Variants in GABRB1 observed in about 807,000 individuals in gnomAD.
The protein encoded by GABRB1 is gamma-aminobutyric acid type A receptor subunit beta1, also known as gamma-aminobutyric acid receptor subunit beta-1.
Under a neutral mutation model 51.6 loss-of-function variants are expected in GABRB1, and 17 were observed. That is an observed-to-expected ratio of 0.33 (90% CI 0.23 to 0.49). The LOEUF (loss-of-function observed/expected upper bound fraction) is 0.49. Among genes scored for constraint, GABRB1 ranks in the 20% least tolerant of loss-of-function variants. The pLI, the probability that GABRB1 is intolerant of heterozygous loss-of-function variation, is 0.99. For synonymous variants in GABRB1, 247 were observed against 218.9 expected (o/e 1.13, Z -1.14); for missense variants, 410 against 600.6 (o/e 0.68, Z 3.32).
chr4:47,327,678 C>T (rs1311732250), intron 5 of GABRB1, among the ~76,000 whole-genome samples: 2 of 152,198 alleles, frequency 1.3e-5, no homozygotes, highest in African/African-American at 2.4e-5. Context: ...GAACTATCCA[C>T]TTAATCCATC....
intron 3 of GABRB1, among the ~76,000 whole-genome samples, chr4:47,106,533 C>T (rs186218487): frequency 6.6e-6 from 1 of 152,080 alleles, no homozygotes; most frequent in African/African-American, 2.4e-5. Flanking sequence ...CAAATACTTT[C>T]CATTAAGACT....
At chr4:47,114,716 A>G (rs536056232) in intron 3 of GABRB1, among the ~76,000 whole-genome samples, 1 of 152,292 alleles carries the variant, frequency 6.6e-6, no homozygotes, top group East Asian at 1.9e-4. Context: ...GCTGACTCCA[A>G]CTTTCATTTT....
At chr4:47,375,235 T>C (rs1219689778) in intron 5 of GABRB1, among the ~76,000 whole-genome samples, 1 of 152,232 alleles carries the variant, frequency 6.6e-6, no homozygotes, top group East Asian at 1.9e-4. Context: ...ATTGTCATAT[T>C]TGTATTTTAA....
chr4:47,174,858 C>T (rs1030350540), intron 4 of GABRB1, among the ~76,000 whole-genome samples: 6 of 150,932 alleles, frequency 4.0e-5, no homozygotes, highest in Non-Finnish European at 5.9e-5. Flanking sequence ...CTCCCTCCCT[C>T]CTTCCCTCCC....
At chr4:47,402,492 T>C (rs1728429154) in intron 5 of GABRB1, among the ~76,000 whole-genome samples, 2 of 152,216 alleles carry the variant, frequency 1.3e-5, no homozygotes, top group Admixed American at 1.3e-4. Flanking sequence ...TTAAAATGTA[T>C]CTGTACATTC....
upstream of GABRB1, among the ~76,000 whole-genome samples, chr4:47,028,341 T>A (rs1169796643): frequency 1.3e-5 from 2 of 151,748 alleles, no homozygotes; most frequent in Non-Finnish European, 3.0e-5. Context: ...AAATACACTG[T>A]TTATGTTATT....
intron 4 of GABRB1, among the ~76,000 whole-genome samples, chr4:47,213,291 A>G (rs1720434741): frequency 6.6e-6 from 1 of 152,196 alleles, no homozygotes; most frequent in Non-Finnish European, 1.5e-5. Context: ...AGCCCAGTGG[A>G]CAGTAGTTGA....
intron 1 of GABRB1, among the ~76,000 whole-genome samples, chr4:47,005,203 G>T (rs2109432836): frequency 6.6e-6 from 1 of 152,316 alleles, no homozygotes; most frequent in South Asian, 2.1e-4. Context: ...TGGATCACGA[G>T]GTCAGGAAAT....
intron 4 of GABRB1, among the ~76,000 whole-genome samples, chr4:47,249,390 A>G (rs1721893353): frequency 6.6e-6 from 1 of 151,850 alleles, no homozygotes; most frequent in African/African-American, 2.4e-5. Flanking sequence ...TATAATTTCA[A>G]TTTTCTTAAA....
intron 8 of GABRB1, among the ~76,000 whole-genome samples, chr4:47,410,299 G>T: frequency 6.6e-6 from 1 of 152,140 alleles, no homozygotes; most frequent in East Asian, 1.9e-4. Context: ...CTTTGTATCA[G>T]AGTAATCCTC....
chr4:47,318,496 TC>T (rs1337860967), intron 4 of GABRB1, among the ~76,000 whole-genome samples: 1 of 151,970 alleles, frequency 6.6e-6, no homozygotes, highest in Admixed American at 6.6e-5. Flanking sequence ...GCCTCACACT[TC>T]CCACTATTAG....
intron 3 of GABRB1, among the ~76,000 whole-genome samples, chr4:47,127,681 T>C (rs777986063): frequency 4.6e-5 from 7 of 151,866 alleles, no homozygotes; most frequent in Non-Finnish European, 1.0e-4. Context: ...CTAAACTCTT[T>C]TGTTTCCCTT....
intron 4 of GABRB1, among the ~76,000 whole-genome samples, chr4:47,286,241 C>T (rs1723504884): frequency 6.6e-6 from 1 of 152,142 alleles, no homozygotes; most frequent in African/African-American, 2.4e-5. Context: ...TTACAACTTC[C>T]CTGAAGCCTA....
At chr4:47,423,996 A>C (rs965948892) in intron 8 of GABRB1, among the ~76,000 whole-genome samples, 4 of 152,222 alleles carry the variant, frequency 2.6e-5, no homozygotes, top group Admixed American at 2.6e-4. Context: ...TCACCAATAG[A>C]TGTATACAGT....
intron 4 of GABRB1, among the ~76,000 whole-genome samples, chr4:47,246,453 C>T (rs1721765380): frequency 8.0e-6 from 1 of 124,640 alleles, no homozygotes; most frequent in South Asian, 2.6e-4. Context: ...GTTGGTTCCA[C>T]TATTTTGCAA....
chr4:47,407,074 C>A, intron 8 of GABRB1, 148 bp downstream of exon 8: 1 of 822,632 alleles, frequency 1.2e-6, no homozygotes. Flanking sequence ...TATTCAGGGA[C>A]TGAGGAATGA....
At chr4:47,154,720 G>C (rs1028530427) in intron 3 of GABRB1, among the ~76,000 whole-genome samples, 2 of 152,078 alleles carry the variant, frequency 1.3e-5, no homozygotes, top group African/African-American at 4.8e-5. Context: ...AGGAGCTAAA[G>C]CACTGAACGT....
rs66516518 is a variant in GABRB1, at chr4:47,154,257, G to GTTT, written c.241-6979_241-6977dup. On this transcript the variant is annotated intron_variant, in intron 3 of 8. Transcript: ENST00000295454. ...TCTTTGTCACATACAAATTATGGTTGTTTTTTTTTTTTTTTCTTATCCTAA... is the reference window on the plus strand; with the variant it reads ...TCTTTGTCACATACAAATTATGGTTGTTTTTTTTTTTTTTTTTTCTTATCCTAA... 1.5e-3 allele frequency among the ~76,000 whole-genome samples: 206 copies of GTTT among 137,346 alleles called. 2 individuals carry two copies. Among genetic ancestry groups the GTTT allele is most frequent in the East Asian group, 4.7e-3 (22 of 4,654 alleles). The allele number at this position is 137,346 out of a possible 152,430, so 90.1% of individuals were successfully genotyped here. A position where few individuals can be genotyped will look rare whatever the true frequency, so the allele number is the denominator to read the frequency against.
At chr4:47,014,887 T>C (rs1335132902) in intron 1 of GABRB1, among the ~76,000 whole-genome samples, 3 of 108,972 alleles carry the variant, frequency 2.8e-5, no homozygotes, top group Non-Finnish European at 5.7e-5. Flanking sequence ...TAGTATTTAG[T>C]AGCTGTATTT....
Sources: gnomAD v4.1 joint callset for allele counts (sites outside exome capture counted in the v4.1 genomes callset) on GRCh38, gnomAD v4.1.1 for gene constraint, MANE v1.5 for transcripts, NCBI Gene and HGNC (gene_info 2026-07-23, HGNC 2026-07-21) for gene names.